The following NRG3 variants were observed in gnomAD, a reference collection of about 807,000 sequenced individuals.
NRG3 encodes neuregulin 3.
NRG3 carries 31 observed loss-of-function variants against 66.9 expected under a neutral mutation model. The observed-to-expected ratio is 0.46, with a 90% confidence interval of 0.35 to 0.63. The LOEUF (loss-of-function observed/expected upper bound fraction) is 0.63. Ranked by LOEUF, NRG3 falls within the 20% of genes least tolerant of loss-of-function variation. NRG3 has a pLI of 0.00. For synonymous variants in NRG3, 393 were observed against 359.4 expected, an observed-to-expected ratio of 1.09 and a Z score of -1.06; for missense variants, 910 against 878.9, an observed-to-expected ratio of 1.04 and a Z score of -0.45.
chr10:82,118,285 G>A (rs2067856418), intron 1 of NRG3, among the ~76,000 whole-genome samples: 1 of 150,866 alleles, frequency 6.6e-6, no homozygotes, highest in South Asian at 2.1e-4. Flanking sequence ...CTGTGGGTTA[G>A]CATCCAGGGG....
chr10:82,085,238 A>G (rs2065647947), intron 1 of NRG3, among the ~76,000 whole-genome samples: 2 of 152,176 alleles, frequency 1.3e-5, no homozygotes, highest in African/African-American at 4.8e-5. Flanking sequence ...ACCAGGACGC[A>G]TCATCTGTCC....
At chr10:82,339,891 T>C (rs2082590931) in intron 1 of NRG3, among the ~76,000 whole-genome samples, 1 of 152,082 alleles carries the variant, frequency 6.6e-6, no homozygotes, top group Non-Finnish European at 1.5e-5. Context: ...GCTATCAATA[T>C]GCCATCTAGG....
At chr10:82,434,271 A>G (rs763897943) in intron 2 of NRG3, among the ~76,000 whole-genome samples, 1 of 152,016 alleles carries the variant, frequency 6.6e-6, no homozygotes, top group African/African-American at 2.4e-5. Flanking sequence ...GGGTAGAGGA[A>G]TGCTTGTGAT....
At chr10:82,676,529 G>T (rs2053696529) in intron 2 of NRG3, among the ~76,000 whole-genome samples, 1 of 151,988 alleles carries the variant, frequency 6.6e-6, no homozygotes, top group Admixed American at 6.6e-5. Flanking sequence ...TGTCACCCAG[G>T]CTGGAGTGCA....
intron 1 of NRG3, among the ~76,000 whole-genome samples, chr10:81,998,809 A>C (rs895021653): frequency 6.6e-6 from 1 of 152,180 alleles, no homozygotes; most frequent in Non-Finnish European, 1.5e-5. Context: ...AAACATCCTC[A>C]CTTTTTAAAA....
chr10:82,059,470 G>A (rs955416155), intron 1 of NRG3, among the ~76,000 whole-genome samples: 3 of 148,598 alleles, frequency 2.0e-5, no homozygotes, highest in East Asian at 2.0e-4. Context: ...TGAGCAACTG[G>A]TAGATTGAGT....
At chr10:82,196,879 C>A (rs2133417604) in intron 1 of NRG3, among the ~76,000 whole-genome samples, 1 of 152,244 alleles carries the variant, frequency 6.6e-6, no homozygotes, top group East Asian at 1.9e-4. Context: ...GGTAGAAAGC[C>A]TCTTAGGAAT....
intron 3 of NRG3, among the ~76,000 whole-genome samples, chr10:82,856,299 A>G (rs1304747666): frequency 6.6e-6 from 1 of 152,050 alleles, no homozygotes; most frequent in Non-Finnish European, 1.5e-5. Flanking sequence ...AGAAACAACT[A>G]CCCTTCAGTC....
At chr10:82,431,364 A>G (rs954820164) in intron 2 of NRG3, among the ~76,000 whole-genome samples, 10 of 152,148 alleles carry the variant, frequency 6.6e-5, no homozygotes, top group African/African-American at 2.4e-4. Context: ...TGAGTTTGCT[A>G]ATTTTTAAGT....
chr10:82,762,373 T>C (rs1306640997), intron 3 of NRG3, among the ~76,000 whole-genome samples: 1 of 152,126 alleles, frequency 6.6e-6, no homozygotes, highest in African/African-American at 2.4e-5. Context: ...AAACGCTAAT[T>C]AAAAATACTT....
At chr10:82,982,138 T>C (rs919113464) in intron 8 of NRG3, among the ~76,000 whole-genome samples, 2 of 152,168 alleles carry the variant, frequency 1.3e-5, no homozygotes, top group Admixed American at 6.5e-5. Context: ...GTAAACGGAA[T>C]ATCTAATTTT....
intron 1 of NRG3, among the ~76,000 whole-genome samples, chr10:82,074,008 G>C (rs1426943489): frequency 6.6e-6 from 1 of 151,666 alleles, no homozygotes; most frequent in Non-Finnish European, 1.5e-5. Context: ...ATTTTTGTGA[G>C]TATGTGTGTA....
At chr10:82,429,997 A>G (rs1228897084) in intron 2 of NRG3, among the ~76,000 whole-genome samples, 1 of 152,154 alleles carries the variant, frequency 6.6e-6, no homozygotes, top group Non-Finnish European at 1.5e-5. Flanking sequence ...TTACCATGTC[A>G]TTCTGCTGAA....
At chr10:82,247,396 A>G (rs970223749) in intron 1 of NRG3, among the ~76,000 whole-genome samples, 1 of 152,138 alleles carries the variant, frequency 6.6e-6, no homozygotes, top group Non-Finnish European at 1.5e-5. Context: ...CCCTCTTAGA[A>G]AGAGAATAAG....
chr10:82,028,030 T>C (rs1447633993), intron 1 of NRG3, among the ~76,000 whole-genome samples: 1 of 152,146 alleles, frequency 6.6e-6, no homozygotes, highest in African/African-American at 2.4e-5. Context: ...GGGAATATTT[T>C]TCTCAACTTC....
At chr10:82,353,783 A>T (rs1161161904) in intron 1 of NRG3, among the ~76,000 whole-genome samples, 1 of 152,038 alleles carries the variant, frequency 6.6e-6, no homozygotes, top group Non-Finnish European at 1.5e-5. Context: ...ATCTCTGCTC[A>T]TCTTAATCCT....
chr10:82,570,275 A>G lies in NRG3; in HGVS notation c.954-168302A>G, dbSNP rs151315803. Among the ~76,000 whole-genome samples the G allele has an allele frequency of 7.2e-5, 11 of 151,836 alleles. No homozygotes were observed. In the East Asian group the frequency reaches 2.1e-3, roughly 29 times the overall value. On this transcript the variant is annotated intron_variant, in intron 2 of 8. Transcript: ENST00000372141. ...TAACCTGGCCTTAAAGACCACATGC[A>G]ATGTGTTGGCATCTACTTCTGTAGC...
rs148248311 is a variant in NRG3 at position 81,989,613 on chromosome 10, T to G, written c.823+113450T>G. On this transcript the variant is annotated intron_variant, in intron 1 of 8. Coordinates refer to ENST00000372141, the MANE Select transcript of NRG3 (RefSeq NM_001010848.4). ...TTCATTTATAAAGTCATCTGTATTG[T>G]TTTATGTGACAAAACTGGTTTCATT... Among the ~76,000 whole-genome samples, 353 of 152,304 alleles carry G rather than the reference T, an allele frequency of 2.3e-3. 2 individuals carry two copies. Among genetic ancestry groups the G allele is most frequent in the Middle Eastern group, 6.8e-3 (2 of 294 alleles).
At chr10:82,690,385 C>T (rs1458854124) in intron 2 of NRG3, among the ~76,000 whole-genome samples, 1 of 151,890 alleles carries the variant, frequency 6.6e-6, no homozygotes, top group Non-Finnish European at 1.5e-5. Flanking sequence ...AGGATTGCCC[C>T]CTTCAGCTCC....
Sources: gnomAD v4.1 joint callset for allele counts (sites outside exome capture counted in the v4.1 genomes callset) on GRCh38, gnomAD v4.1.1 for gene constraint, MANE v1.5 for transcripts, NCBI Gene and HGNC (gene_info 2026-07-23, HGNC 2026-07-21) for gene names.